JADE3: variants seen among roughly 807,000 people sequenced by gnomAD.
JADE3 encodes the protein protein Jade-3.
A neutral mutation model predicts 50.1 loss-of-function variants in JADE3; 2 were observed. That is an observed-to-expected ratio of 0.04 (90% confidence interval 0.02 to 0.13). The LOEUF (loss-of-function observed/expected upper bound fraction) is 0.13. Among genes scored for constraint, JADE3 ranks in the 10% least tolerant of loss-of-function variants. JADE3 has a pLI of 1.00. For synonymous variants in JADE3, 218 were observed against 232.9 expected, an observed-to-expected ratio of 0.94 and a Z score of 0.58; for missense variants, 475 against 634.4, an observed-to-expected ratio of 0.75 and a Z score of 2.70.
At chrX:47,049,737 C>T (rs1381223057) in intron 8 of JADE3, among the ~76,000 whole-genome samples, 1 of 102,303 alleles carries the variant, frequency 9.8e-6, no homozygotes, top group Non-Finnish European at 2.0e-5. Flanking sequence ...TGAGCCACTG[C>T]GCCTGGCTCT....
At chrX:47,011,267 T>C (rs782798975) in intron 4 of JADE3, among the ~76,000 whole-genome samples, 1 of 112,537 alleles carries the variant, frequency 8.9e-6, no homozygotes, top group Admixed American at 9.4e-5. Flanking sequence ...GTCTGACTTT[T>C]TTCATGTAGC....
At chrX:46,969,401 G>A (rs1053584012) in intron 1 of JADE3, among the ~76,000 whole-genome samples, 2 of 110,656 alleles carry the variant, frequency 1.8e-5, no homozygotes, top group Non-Finnish European at 3.8e-5. Context: ...GGGCAACAGA[G>A]TGAGACTCTG....
In JADE3 at chrX:47,059,079, T is replaced by A; in HGVS notation, c.*2T>A. On this transcript the variant is annotated 3_prime_UTR_variant, in exon 11 of 11. Transcript: ENST00000614628. ...TCCCACAGTTCAATGCAAAGGTGAT[T>A]AGAAACTTCCAAGGATGACCCAACC... The A allele has an allele frequency of 6.8e-6, 8 of 1,168,647 alleles. No individual in the cohort carries two copies. The highest frequency in any genetic ancestry group is 9.1e-6 in the Non-Finnish European group (8 of 875,259).
chrX:46,943,806 A>G (rs1444307488), intron 1 of JADE3, among the ~76,000 whole-genome samples: 2 of 111,648 alleles, frequency 1.8e-5, no homozygotes, highest in Non-Finnish European at 3.8e-5. Flanking sequence ...TTCTTTGTAT[A>G]TCTGGTGGAA....
intron 1 of JADE3, among the ~76,000 whole-genome samples, chrX:46,962,598 C>T (rs1556347980): frequency 4.5e-5 from 5 of 111,360 alleles, no homozygotes. Context: ...TATTTATAAG[C>T]GAGGCTTTAT....
chrX:46,937,016 G>A (rs1926638647), intron 1 of JADE3, among the ~76,000 whole-genome samples: 1 of 111,197 alleles, frequency 9.0e-6, no homozygotes, highest in Non-Finnish European at 1.9e-5. Context: ...AGTTCCCTAA[G>A]GTAAAAGTGT....
intron 1 of JADE3, among the ~76,000 whole-genome samples, chrX:46,974,082 G>GAAAACAAAAC (rs376681989): frequency 1.9e-5 from 2 of 106,871 alleles, no homozygotes; most frequent in Non-Finnish European, 3.9e-5. Context: ...CTCCATCTCA[G>GAAAACAAAAC]AAAACAAAAC....
intron 8 of JADE3, among the ~76,000 whole-genome samples, chrX:47,047,949 G>A (rs1199241980): frequency 8.9e-6 from 1 of 111,860 alleles, no homozygotes; most frequent in Non-Finnish European, 1.9e-5. Flanking sequence ...GGAGAGACCT[G>A]GAATGCAGCT....
At chrX:46,988,360 A>G (rs1556355128) in intron 3 of JADE3, among the ~76,000 whole-genome samples, 1 of 111,226 alleles carries the variant, frequency 9.0e-6, no homozygotes, top group Admixed American at 9.6e-5. Flanking sequence ...GATGAGGCTC[A>G]GAGAAGTTAC....
intron 4 of JADE3, among the ~76,000 whole-genome samples, chrX:47,017,889 C>T (rs1351233243): frequency 9.0e-6 from 1 of 111,616 alleles, no homozygotes; most frequent in African/African-American, 3.3e-5. Context: ...CTAAAAATGT[C>T]CCAAACTGAA....
chrX:47,014,154 G>GATTT (rs1408542910), intron 4 of JADE3, among the ~76,000 whole-genome samples: 1 of 112,241 alleles, frequency 8.9e-6, no homozygotes, highest in African/African-American at 3.2e-5. Flanking sequence ...GTCTGTAGCT[G>GATTT]ATCTGGCTGT....
At chrX:46,990,684 A>C (rs1927968291) in intron 3 of JADE3, among the ~76,000 whole-genome samples, 1 of 111,698 alleles carries the variant, frequency 9.0e-6, no homozygotes, top group African/African-American at 3.3e-5. Flanking sequence ...ACCATTTTTA[A>C]CATCTTTTCT....
chrX:47,059,193 T>C lies in JADE3; in HGVS notation c.*116T>C. ...AGGAATTGCAGTGAAAAGGATAACA[T>C]TTTTCCATAGTAAATTGTCTTGCAG... On this transcript the variant is annotated 3_prime_UTR_variant, in exon 11 of 11. Transcript: ENST00000614628. 1.9e-6 allele frequency: 1 copy of C among 527,870 alleles called. No homozygotes were observed. Among genetic ancestry groups the C allele is most frequent in the Non-Finnish European group, 2.9e-6 (1 of 342,005 alleles). 43.5% of individuals were successfully genotyped at this position (527,870 alleles called of 1,213,427 possible).
intron 1 of JADE3, among the ~76,000 whole-genome samples, chrX:46,936,398 T>C (rs1926625470): frequency 8.9e-6 from 1 of 111,770 alleles, no homozygotes; most frequent in Non-Finnish European, 1.9e-5. Flanking sequence ...TAATATTTTG[T>C]TGGAGGTGTT....
At chrX:46,954,073 A>T (rs782654454) in intron 1 of JADE3, among the ~76,000 whole-genome samples, 1 of 111,619 alleles carries the variant, frequency 9.0e-6, no homozygotes, top group East Asian at 2.8e-4. Context: ...GGATGGAGAA[A>T]CCTGGAGGGG....
At chrX:47,036,028 C>T (rs111688589) in intron 7 of JADE3, among the ~76,000 whole-genome samples, 2,101 of 110,291 alleles carry the variant, frequency 0.019, 61 homozygotes, top group African/African-American at 0.064. Flanking sequence ...CCTGTAGTCC[C>T]AGATATTCAG....
intron 8 of JADE3, among the ~76,000 whole-genome samples, chrX:47,049,727 T>G (rs1278293432): frequency 3.7e-5 from 4 of 107,230 alleles, no homozygotes; most frequent in Non-Finnish European, 7.7e-5. Flanking sequence ...ATTATAGGCG[T>G]GAGCCACTGC....
chrX:46,997,323 C>T (rs1928152971), intron 3 of JADE3, among the ~76,000 whole-genome samples: 1 of 109,774 alleles, frequency 9.1e-6, no homozygotes, highest in Non-Finnish European at 1.9e-5. Context: ...GGCAACCTGT[C>T]GAAACCCTGC....
Position 47,013,037 on chromosome X carries a change from G to A in JADE3, c.285-11687G>A, listed in dbSNP as rs146761639. Among the ~76,000 whole-genome samples, 375 of 111,886 alleles carry A rather than the reference G, an allele frequency of 3.4e-3. 1 individual carries two copies. Among genetic ancestry groups the A allele is most frequent in the African/African-American group, 0.011 (353 of 30,836 alleles). On this transcript the variant is annotated intron_variant, in intron 4 of 10. Transcript: ENST00000614628. ...TCTTAGTTCTTTTTTCAGAGACAGC[G>A]TCTCGTTCTCTGTTGCCCAGCCTGG... is the stretch of plus-strand genomic sequence containing the variant.
Sources: gnomAD v4.1 joint callset for allele counts (sites outside exome capture counted in the v4.1 genomes callset) on GRCh38, gnomAD v4.1.1 for gene constraint, MANE v1.5 for transcripts, NCBI Gene and HGNC (gene_info 2026-07-23, HGNC 2026-07-21) for gene names.